Variants in B9D1 observed in about 807,000 individuals in gnomAD.
The protein encoded by B9D1 is B9 domain-containing protein 1.
A neutral mutation model predicts 26.1 loss-of-function variants in B9D1; 20 were observed. The observed-to-expected ratio is 0.77, with a 90% CI of 0.54 to 1.12. The LOEUF is 1.12. B9D1 is among the 50% of genes most tolerant of loss of function. The pLI is 0.00. For synonymous variants in B9D1, 105 were observed against 103.1 expected (o/e 1.02, Z -0.11); for missense variants, 260 against 273.7 (o/e 0.95, Z 0.35).
intron 3 of B9D1, among the ~76,000 whole-genome samples, chr17:19,356,733 T>A (rs1451101133): frequency 6.6e-6 from 1 of 152,252 alleles, no homozygotes; most frequent in African/African-American, 2.4e-5. Context: ...GTAACCTCTC[T>A]GGATTTCTGT....
At chr17:19,348,679 TTTTC>T (rs1390521525) in intron 3 of B9D1, among the ~76,000 whole-genome samples, 2 of 152,242 alleles carry the variant, frequency 1.3e-5, no homozygotes, top group Non-Finnish European at 2.9e-5. Flanking sequence ...ACCTCTTTAC[TTTTC>T]TTTAAGACTT....
At position 19,370,678 on chromosome 17, in the gene B9D1, C is replaced by T. The variant is rs1333874272; in HGVS notation, c.-298+7181G>A. Among the ~76,000 whole-genome samples, 2 of 152,192 alleles carry T rather than the reference C, an allele frequency of 1.3e-5. No individual in the cohort carries two copies. The highest frequency in any genetic ancestry group is 2.9e-5 in the Non-Finnish European group (2 of 68,032). On this transcript the variant is annotated intron_variant, in intron 1 of 5. Transcript: ENST00000477478. The surrounding 1 kb of genome is among the most constrained non-coding windows in gnomAD (Gnocchi z 5.1). ...GCCTGGCTGTGCTGAATGGTGGAAG[C>T]AGGGGTGAGGCCCCGAGAGGTGTCT...
downstream of B9D1, among the ~76,000 whole-genome samples, chr17:19,337,972 G>A (rs185615319): frequency 2.5e-3 from 385 of 152,292 alleles, 3 homozygotes; most frequent in African/African-American, 8.8e-3. Context: ...CGGACTGTCT[G>A]GCTCCCAGAG....
chr17:19,375,125 G>A (rs1203928479), intron 1 of B9D1, among the ~76,000 whole-genome samples: 1 of 151,884 alleles, frequency 6.6e-6, no homozygotes, highest in African/African-American at 2.4e-5. Flanking sequence ...CCCTGTCTCT[G>A]CTAAAAATAC....
At chr17:19,335,970 C>T (rs1196724155), downstream of B9D1, 1 of 152,716 alleles carries the variant, frequency 6.5e-6, no homozygotes, top group Non-Finnish European at 1.5e-5. Context: ...ACCTCTAGCT[C>T]TAAGGGCAGC....
chr17:19,348,530 C>T (rs1458946846), intron 3 of B9D1, among the ~76,000 whole-genome samples: 1 of 152,146 alleles, frequency 6.6e-6, no homozygotes, highest in East Asian at 1.9e-4. Context: ...ACCTCTCTGC[C>T]CCTGTTTCAT....
chr17:19,364,295 T>G (rs1164582257), upstream of B9D1: 2 of 152,012 alleles, frequency 1.3e-5, no homozygotes, highest in African/African-American at 4.8e-5. The surrounding 1 kb of genome is among the most constrained non-coding windows in gnomAD (Gnocchi z 4.3). Context: ...CCCTGGGTGT[T>G]GGGGAATGGA....
At chr17:19,343,701 C>A in intron 6 of B9D1, 89 bp downstream of exon 6, 2 of 1,612,822 alleles carry the variant, frequency 1.2e-6, no homozygotes, top group Non-Finnish European at 1.7e-6. Context: ...CCTGGCAGGT[C>A]CCCGGCATTC....
upstream of B9D1, among the ~76,000 whole-genome samples, chr17:19,365,820 C>G (rs1428271443): frequency 2.0e-5 from 3 of 151,874 alleles, no homozygotes; most frequent in Non-Finnish European, 4.4e-5. The surrounding 1 kb of genome is among the most constrained non-coding windows in gnomAD (Gnocchi z 5.0). Flanking sequence ...TAATATATGT[C>G]AAAGTTCCAT....
intron 5 of B9D1, among the ~76,000 whole-genome samples, chr17:19,345,454 T>A (rs1468480453): frequency 2.0e-5 from 3 of 152,060 alleles, no homozygotes; most frequent in African/African-American, 7.2e-5. Context: ...GCACGTGACC[T>A]TATTGAGAAA....
intron 1 of B9D1, among the ~76,000 whole-genome samples, chr17:19,369,364 A>T (rs1308482663): frequency 1.3e-5 from 2 of 152,218 alleles, no homozygotes; most frequent in African/African-American, 4.8e-5. Context: ...TCGGTGTGTC[A>T]TGCTGGTAGC....
intron 1 of B9D1, among the ~76,000 whole-genome samples, chr17:19,376,491 G>T (rs1312181596): frequency 6.6e-6 from 1 of 151,942 alleles, no homozygotes; most frequent in Non-Finnish European, 1.5e-5. Flanking sequence ...TAGGTCTCCT[G>T]GCCAGGTGCA....
At chr17:19,377,272 CA>C (rs1422407338) in intron 1 of B9D1, among the ~76,000 whole-genome samples, 3 of 152,194 alleles carry the variant, frequency 2.0e-5, no homozygotes, top group Non-Finnish European at 4.4e-5. Context: ...GAAAATGTTC[CA>C]TAAACCACTC....
Position 19,353,127 on chromosome 17 carries a change from C to T in B9D1, c.244+4713G>A, listed in dbSNP as rs992155148. 4.7e-5 allele frequency among the ~76,000 whole-genome samples: 7 copies of T among 149,320 alleles called. No individual in the cohort carries two copies. The East Asian group carries it at 1.2e-3, about 26-fold the overall frequency. ...AGTAGCTGGGGCTACAGAAGCCCAC[C>T]ACCACACCTGGCTAATTTTTTGTAT... On this transcript the variant is annotated intron_variant, in intron 3 of 6. Transcript: ENST00000261499.
chr17:19,343,953 A>G, intron 5 of B9D1, 96 bp from the exon 6 acceptor site: 1 of 1,571,062 alleles, frequency 6.4e-7, no homozygotes, highest in Non-Finnish European at 8.6e-7. Flanking sequence ...TTCAGAAACC[A>G]GCACTCTTGT....
chr17:19,344,011 T>C (rs1447420582), intron 5 of B9D1, among the ~76,000 whole-genome samples, 154 bp from the exon 6 acceptor site: 1 of 152,214 alleles, frequency 6.6e-6, no homozygotes, highest in African/African-American at 2.4e-5. Context: ...AAGCAGAGCC[T>C]TCCCAGTGGC....
At chr17:19,342,351 T>G (rs1908064274), downstream of B9D1, among the ~76,000 whole-genome samples, 1 of 151,970 alleles carries the variant, frequency 6.6e-6, no homozygotes, top group Non-Finnish European at 1.5e-5. Flanking sequence ...GCCCAGATGG[T>G]CTCAGGGCAA....
chr17:19,338,236 C>T (rs574760448), downstream of B9D1, among the ~76,000 whole-genome samples: 2 of 152,242 alleles, frequency 1.3e-5, no homozygotes, highest in Non-Finnish European at 2.9e-5. Context: ...GGTCGCCTTG[C>T]GGTGAGGAGG....
chr17:19,362,405 A>C, intron 1 of B9D1, 102 bp downstream of exon 1: 4 of 815,488 alleles, frequency 4.9e-6, no homozygotes, highest in Non-Finnish European at 7.5e-6. Context: ...GCTCAGAGGA[A>C]TGACGTGGCT....
Sources: gnomAD v4.1 joint callset for allele counts (sites outside exome capture counted in the v4.1 genomes callset) on GRCh38, gnomAD v4.1.1 for gene constraint, Gnocchi (gnomAD v3.1) non-coding constraint, MANE v1.5 for transcripts, NCBI Gene and HGNC (gene_info 2026-07-23, HGNC 2026-07-21) for gene names.